BRIP1: variants seen among roughly 807,000 people sequenced by gnomAD.
BRIP1 encodes the protein Fanconi anemia group J protein.
Under a neutral mutation model 119.7 loss-of-function variants are expected in BRIP1, and 88 were observed. The observed-to-expected ratio is 0.74, with a 90% CI of 0.62 to 0.88. The LOEUF is 0.88. Ranked by LOEUF, BRIP1 falls within the 40% of genes least tolerant of loss-of-function variation. The probability of loss-of-function intolerance (pLI) is 0.00; values close to 1 mark genes in which losing one functional copy is unlikely to be tolerated. For synonymous variants in BRIP1, 443 were observed against 496.5 expected, an observed-to-expected ratio of 0.89 and a Z score of 1.43; for missense variants, 1,259 against 1,455.4, an observed-to-expected ratio of 0.87 and a Z score of 2.20.
intron 16 of BRIP1, among the ~76,000 whole-genome samples, chr17:61,731,186 CT>C (rs910767879): frequency 1.3e-5 from 2 of 151,652 alleles, no homozygotes; most frequent in African/African-American, 2.4e-5. Flanking sequence ...AAGGTTTTTT[CT>C]TCTATATCTG....
intron 10 of BRIP1, among the ~76,000 whole-genome samples, chr17:61,792,096 C>T (rs1220790634): frequency 2.6e-5 from 4 of 152,188 alleles, no homozygotes; most frequent in Admixed American, 1.3e-4. Flanking sequence ...GAGACAAAGT[C>T]TTGCTATGTT....
intron 6 of BRIP1, among the ~76,000 whole-genome samples, chr17:61,838,596 A>T (rs1021723312): frequency 6.6e-6 from 1 of 151,020 alleles, no homozygotes; most frequent in Non-Finnish European, 1.5e-5. Context: ...TAAATAAAGC[A>T]TCATTAAATC....
chr17:61,846,860 A>G lies in BRIP1; in HGVS notation c.627+241T>C, dbSNP rs192175448. Among the ~76,000 whole-genome samples, 9 of 152,308 alleles carry G rather than the reference A, an allele frequency of 5.9e-5. No homozygotes were observed. Among genetic ancestry groups the G allele is most frequent in the Admixed American group, 1.3e-4 (2 of 15,304 alleles). Reference sequence around the variant, plus strand: ...AAACATTAAAATACAGAACAGAAAAAAATGACTTTCAGATCTCTCTCTAGT... The same window carrying G: ...AAACATTAAAATACAGAACAGAAAAGAATGACTTTCAGATCTCTCTCTAGT... On this transcript the variant is annotated intron_variant, in intron 6 of 19. Coordinates refer to ENST00000259008, the MANE Select transcript of BRIP1 (RefSeq NM_032043.3). This position sits in a 1 kb window ranked among gnomAD's most constrained non-coding sequence, Gnocchi z 4.3.
At position 61,841,289 on chromosome 17, in the gene BRIP1, A is replaced by C. The variant is rs1014707599; in HGVS notation, c.627+5812T>G. Among the ~76,000 whole-genome samples the C allele has an allele frequency of 6.6e-6, 1 of 152,154 alleles. No individual in the cohort carries two copies. Among genetic ancestry groups the C allele is most frequent in the Non-Finnish European group, 1.5e-5 (1 of 68,026 alleles). ...GTATAGAGACAACCTGTAGAATGGG[A>C]GAAAATATTTCCAAACTATTCATCT... On this transcript the variant is annotated intron_variant, in intron 6 of 19. Coordinates refer to ENST00000259008, the MANE Select transcript of BRIP1 (RefSeq NM_032043.3). The surrounding 1 kb of genome is among the most constrained non-coding windows in gnomAD (Gnocchi z 4.1).
In BRIP1 at chr17:61,852,664, C is replaced by A. The variant is rs757731206; in HGVS notation, c.380-3408G>T. 6.6e-6 allele frequency among the ~76,000 whole-genome samples: 1 copy of A among 151,922 alleles called. No homozygotes were observed. Among genetic ancestry groups the A allele is most frequent in the Non-Finnish European group, 1.5e-5 (1 of 67,990 alleles). On this transcript the variant is annotated intron_variant, in intron 4 of 19. Coordinates refer to ENST00000259008, the MANE Select transcript of BRIP1 (RefSeq NM_032043.3). The surrounding 1 kb of genome is among the most constrained non-coding windows in gnomAD (Gnocchi z 4.9). ...GCCTGAGCGACAGAGTGAGACCCCA[C>A]CTCAAATAAAAAACAAAAGAAAAAT...
In BRIP1 at chr17:61,794,693, A is replaced by C. The variant is rs2077873127; in HGVS notation, c.1341-964T>G. Among the ~76,000 whole-genome samples, 1 of 152,010 alleles carries C rather than the reference A, an allele frequency of 6.6e-6. No individual in the cohort carries two copies. The highest frequency in any genetic ancestry group is 1.5e-5 in the Non-Finnish European group (1 of 67,976). ...TACCCCTGAACTTAAAAGTTAAAAA[A>C]AAAAGTTCTAATAAAATGAAAAAAA... is the stretch of plus-strand genomic sequence containing the variant. On this transcript the variant is annotated intron_variant, in intron 9 of 19. Transcript: ENST00000259008. The surrounding 1 kb of genome is among the most constrained non-coding windows in gnomAD (Gnocchi z 4.3).
chr17:61,797,705 C>G (rs2077923174), intron 9 of BRIP1, among the ~76,000 whole-genome samples: 1 of 151,768 alleles, frequency 6.6e-6, no homozygotes, highest in Non-Finnish European at 1.5e-5. Flanking sequence ...TTTTAATTCC[C>G]TAATATATGA....
Position 61,724,936 on chromosome 17 carries a change from T to G in BRIP1, c.2380-8873A>C, listed in dbSNP as rs559321695. 5.7e-4 allele frequency among the ~76,000 whole-genome samples: 87 copies of G among 152,292 alleles called. 1 individual carries two copies. The South Asian group carries it at 0.017, about 30-fold the overall frequency. ...GACAGAGACTGTGCATTAGAGACAT[T>G]TGCTGCTCCGTATCATCATAGTGTA... On this transcript the variant is annotated intron_variant, in intron 16 of 19. Transcript: ENST00000259008. This position sits in a 1 kb window ranked among gnomAD's most constrained non-coding sequence, Gnocchi z 5.1.
rs2078035735 is a variant in BRIP1, at chr17:61,804,071, A to T, written c.919-2597T>A. Among the ~76,000 whole-genome samples the T allele has an allele frequency of 6.6e-6, 1 of 152,180 alleles. No individual in the cohort carries two copies. Among genetic ancestry groups the T allele is most frequent in the Non-Finnish European group, 1.5e-5 (1 of 68,022 alleles). On this transcript the variant is annotated intron_variant, in intron 7 of 19. Transcript: ENST00000259008. The surrounding 1 kb of genome is among the most constrained non-coding windows in gnomAD (Gnocchi z 4.5). Reference sequence around the variant, plus strand: ...TTTTTTAAAGAATATGTGCACATACATTATAGCAAATACATTTTTTAAACA... The same window carrying T: ...TTTTTTAAAGAATATGTGCACATACTTTATAGCAAATACATTTTTTAAACA...
rs1342833271 is a variant in BRIP1 at position 61,852,652 on chromosome 17, A to C, written c.380-3396T>G. Among the ~76,000 whole-genome samples the C allele has an allele frequency of 2.0e-5, 3 of 152,162 alleles. No homozygotes were observed. Among genetic ancestry groups the C allele is most frequent in the Non-Finnish European group, 2.9e-5 (2 of 68,032 alleles). ...CACTGCACTCTAGCCTGAGCGACAGAGTGAGACCCCACCTCAAATAAAAAA... is the reference window on the plus strand; with the variant it reads ...CACTGCACTCTAGCCTGAGCGACAGCGTGAGACCCCACCTCAAATAAAAAA... On this transcript the variant is annotated intron_variant, in intron 4 of 19. Coordinates refer to ENST00000259008, the MANE Select transcript of BRIP1 (RefSeq NM_032043.3). This position sits in a 1 kb window ranked among gnomAD's most constrained non-coding sequence, Gnocchi z 4.9.
intron 10 of BRIP1, among the ~76,000 whole-genome samples, chr17:61,788,147 C>T (rs1264124644): frequency 1.3e-5 from 2 of 151,838 alleles, no homozygotes; most frequent in Non-Finnish European, 2.9e-5. Flanking sequence ...GTTAATAAGA[C>T]AATTATAAGA....
rs2078362395 is a variant in BRIP1 at position 61,823,767 on chromosome 17, C to CAT, written c.628-15011_628-15010insAT. 7.4e-6 allele frequency among the ~76,000 whole-genome samples: 1 copy of CAT among 134,594 alleles called. No individual in the cohort carries two copies. Among genetic ancestry groups the CAT allele is most frequent in the Non-Finnish European group, 1.6e-5 (1 of 62,086 alleles). The allele number at this position is 134,594 out of a possible 152,430, so 88.3% of individuals were successfully genotyped here. A position where few individuals can be genotyped will look rare whatever the true frequency, so the allele number is the denominator to read the frequency against. ...CCCAAGCACACAATAAACACACACACACACACACACACACACACACACACA... is the reference window on the plus strand; with the variant it reads ...CCCAAGCACACAATAAACACACACACATACACACACACACACACACACACACA... On this transcript the variant is annotated intron_variant, in intron 6 of 19. Coordinates refer to ENST00000259008, the MANE Select transcript of BRIP1 (RefSeq NM_032043.3). The surrounding 1 kb of genome is among the most constrained non-coding windows in gnomAD (Gnocchi z 4.8).
In BRIP1 at chr17:61,816,682, A is replaced by G. The variant is rs2078241565; in HGVS notation, c.628-7925T>C. 6.6e-6 allele frequency among the ~76,000 whole-genome samples: 1 copy of G among 152,202 alleles called. No homozygotes were observed. Among genetic ancestry groups the G allele is most frequent in the Non-Finnish European group, 1.5e-5 (1 of 68,040 alleles). On this transcript the variant is annotated intron_variant, in intron 6 of 19. Transcript: ENST00000259008. This position sits in a 1 kb window ranked among gnomAD's most constrained non-coding sequence, Gnocchi z 5.0. ...ACTTTACATAGATGTGATTATAGCAATGAGTCTCAAAGCAGTGATGAGTCA... is the reference window on the plus strand; with the variant it reads ...ACTTTACATAGATGTGATTATAGCAGTGAGTCTCAAAGCAGTGATGAGTCA...
In BRIP1 at chr17:61,756,083, A is replaced by G. The variant is rs370189746; in HGVS notation, c.2098-11492T>C. 6.6e-6 allele frequency among the ~76,000 whole-genome samples: 1 copy of G among 152,238 alleles called. No homozygotes were observed. The highest frequency in any genetic ancestry group is 1.5e-5 in the Non-Finnish European group (1 of 68,040). On this transcript the variant is annotated intron_variant, in intron 14 of 19. Transcript: ENST00000259008. The surrounding 1 kb of genome is among the most constrained non-coding windows in gnomAD (Gnocchi z 4.3). ...ACATGCAAATTTGGAGTACAATTCT[A>G]TAGCAAAAACATACTGGTTATTTTA...
intron 17 of BRIP1, among the ~76,000 whole-genome samples, chr17:61,711,915 TG>T (rs1603291439): frequency 6.6e-6 from 1 of 151,670 alleles, no homozygotes; most frequent in South Asian, 2.1e-4. Context: ...AATAAAATGA[TG>T]GGGAGTACAG....
intron 11 of BRIP1, chr17:61,784,049 T>A (rs1317157983): frequency 6.8e-6 from 3 of 443,556 alleles, no homozygotes; most frequent in Non-Finnish European, 1.2e-5. Flanking sequence ...GCAACTGCAC[T>A]TCAGCCTGGG....
At position 61,841,890 on chromosome 17, in the gene BRIP1, G is replaced by A. The variant is rs8074538; in HGVS notation, c.627+5211C>T. 2.2e-3 allele frequency among the ~76,000 whole-genome samples: 334 copies of A among 152,012 alleles called. 1 individual carries two copies. The highest frequency in any genetic ancestry group is 0.01 in the Middle Eastern group (3 of 294). On this transcript the variant is annotated intron_variant, in intron 6 of 19. Transcript: ENST00000259008. This position sits in a 1 kb window ranked among gnomAD's most constrained non-coding sequence, Gnocchi z 4.1. ...CAGATGGGGTTCTCGCTATGTTGCCGGGGCTGGTCTCAAACTCCTGGCCTG... is the reference window on the plus strand; with the variant it reads ...CAGATGGGGTTCTCGCTATGTTGCCAGGGCTGGTCTCAAACTCCTGGCCTG...
rs2077849406 is a variant in BRIP1, at chr17:61,793,473, T to A, written c.1473+124A>T. On this transcript the variant is annotated intron_variant, in intron 10 of 19. Coordinates refer to ENST00000259008, the MANE Select transcript of BRIP1 (RefSeq NM_032043.3). The surrounding 1 kb of genome is among the most constrained non-coding windows in gnomAD (Gnocchi z 5.2). Reference sequence around the variant, plus strand: ...TTATCAAATTTAGATAATAAAATTTTTAAAAAATTAAATTGCTATATTTAA... The same window carrying A: ...TTATCAAATTTAGATAATAAAATTTATAAAAAATTAAATTGCTATATTTAA... 3.5e-6 allele frequency: 3 copies of A among 856,688 alleles called. No homozygotes were observed. 53.1% of individuals were successfully genotyped at this position (856,688 alleles called of 1,614,324 possible).
In BRIP1 at chr17:61,843,281, A is replaced by C. The variant is rs1157477507; in HGVS notation, c.627+3820T>G. ...TCTACATAGGATGAATCAAGTCTAG[A>C]GATCTAATGAACAGCATCATGACAA... On this transcript the variant is annotated intron_variant, in intron 6 of 19. Transcript: ENST00000259008. The surrounding 1 kb of genome is among the most constrained non-coding windows in gnomAD (Gnocchi z 5.7). Among the ~76,000 whole-genome samples the C allele has an allele frequency of 1.3e-5, 2 of 152,212 alleles. No homozygotes were observed. The highest frequency in any genetic ancestry group is 2.9e-5 in the Non-Finnish European group (2 of 68,042).
Sources: gnomAD v4.1 joint callset for allele counts (sites outside exome capture counted in the v4.1 genomes callset) on GRCh38, gnomAD v4.1.1 for gene constraint, Gnocchi (gnomAD v3.1) non-coding constraint, MANE v1.5 for transcripts, NCBI Gene and HGNC (gene_info 2026-07-23, HGNC 2026-07-21) for gene names.